The following GPR137C variants were observed in gnomAD, a reference collection of about 807,000 sequenced individuals.
GPR137C encodes the protein G protein-coupled receptor 137C.
A neutral mutation model predicts 43.4 loss-of-function variants in GPR137C; 27 were observed. That is an observed-to-expected ratio of 0.62 (90% CI 0.46 to 0.86). GPR137C has a LOEUF of 0.86. Ranked by LOEUF, GPR137C falls within the 40% of genes least tolerant of loss-of-function variation. The pLI is 0.00. For missense variants in GPR137C, 522 were observed against 534.6 expected (o/e 0.98, Z 0.23); for synonymous variants, 285 against 226.9 (o/e 1.26, Z -2.30).
intron 3 of GPR137C, among the ~76,000 whole-genome samples, chr14:52,624,823 C>T (rs563038172): frequency 2.2e-4 from 34 of 151,490 alleles, no homozygotes; most frequent in African/African-American, 7.7e-4. Flanking sequence ...TTCTTGAATA[C>T]ATCAGTCAAT....
chr14:52,568,912 A>G (rs1328339477), intron 1 of GPR137C, among the ~76,000 whole-genome samples: 2 of 152,234 alleles, frequency 1.3e-5, no homozygotes, highest in Admixed American at 6.5e-5. Context: ...TTAAGAGAGC[A>G]GCGGATCTCC....
intron 3 of GPR137C, among the ~76,000 whole-genome samples, chr14:52,619,363 G>T (rs1171956274): frequency 6.6e-6 from 1 of 152,078 alleles, no homozygotes; most frequent in Non-Finnish European, 1.5e-5. Context: ...ATTATCCCCT[G>T]TAATATAGAT....
At chr14:52,604,293 G>T (rs914987489) in intron 3 of GPR137C, among the ~76,000 whole-genome samples, 8 of 152,012 alleles carry the variant, frequency 5.3e-5, no homozygotes, top group African/African-American at 1.7e-4. Flanking sequence ...TTATTACTTT[G>T]GTTGCCTATG....
intron 1 of GPR137C, among the ~76,000 whole-genome samples, chr14:52,571,750 C>T (rs2038473269): frequency 6.6e-6 from 1 of 152,002 alleles, no homozygotes; most frequent in Non-Finnish European, 1.5e-5. Flanking sequence ...TAACTAAGAT[C>T]AGAGCAGAAC....
Position 52,553,451 on chromosome 14 carries a change from G to T in GPR137C, c.304G>T (p.Ala102Ser). The T allele has an allele frequency of 1.2e-6, 2 of 1,608,846 alleles. No individual in the cohort carries two copies. Among genetic ancestry groups the T allele is most frequent in the Non-Finnish European group, 1.7e-6 (2 of 1,179,772 alleles). The change falls in exon 1 of 7, where the codon GCC becomes TCC. Residue 102 changes from alanine (A) to serine (S), a missense_variant. Coordinates refer to ENST00000321662, the MANE Select transcript of GPR137C (RefSeq NM_001099652.2). ...WAALRTTLFS[A>S]AFSLSGSLPL... Reference sequence around the variant, plus strand: ...AGCGCTCAGGACCACCCTCTTCTCCGCCGCCTTCTCGCTCAGCGGCTCCCT... The same window carrying T: ...AGCGCTCAGGACCACCCTCTTCTCCTCCGCCTTCTCGCTCAGCGGCTCCCT...
In GPR137C at chr14:52,627,612, C is replaced by T. The variant is rs140462406; in HGVS notation, c.718-4548C>T. ...CTGTAATCCCAGCACTTTGGGAGGC[C>T]GAGGTGGGTGGATCACAAGGTCAGG... On this transcript the variant is annotated intron_variant, in intron 3 of 6. Coordinates refer to ENST00000321662, the MANE Select transcript of GPR137C (RefSeq NM_001099652.2). 3.8e-3 allele frequency among the ~76,000 whole-genome samples: 571 copies of T among 152,126 alleles called. 3 individuals carry two copies. Among genetic ancestry groups the T allele is most frequent in the African/African-American group, 0.013 (528 of 41,494 alleles).
intron 1 of GPR137C, among the ~76,000 whole-genome samples, chr14:52,574,003 T>A (rs930152993): frequency 2.0e-4 from 31 of 152,032 alleles, no homozygotes; most frequent in Middle Eastern, 3.2e-3. Context: ...GAAATGCAAA[T>A]CAAAACCACA....
chr14:52,553,560 C>A lies in GPR137C; in HGVS notation c.413C>A (p.Thr138Lys). 6.2e-7 allele frequency: 1 copy of A among 1,604,988 alleles called. No individual in the cohort carries two copies. Among genetic ancestry groups the A allele is most frequent in the Non-Finnish European group, 8.5e-7 (1 of 1,177,406 alleles). The change falls in exon 1 of 7, where the codon ACG becomes AAG. Residue 138 changes from threonine (T) to lysine (K), a missense_variant. By Grantham distance (78) the Thr-to-Lys change is moderately conservative. Coordinates refer to ENST00000321662, the MANE Select transcript of GPR137C (RefSeq NM_001099652.2). The part of the protein sequence containing the change: ...YCFPSCLQFS[T>K]LCLLNLYLAE... ...TTCCCCTCCTGTCTCCAGTTCTCCACGCTCTGTCTCCTCAACCTCTACCTG... is the reference window on the plus strand; with the variant it reads ...TTCCCCTCCTGTCTCCAGTTCTCCAAGCTCTGTCTCCTCAACCTCTACCTG...
chr14:52,635,024 G>A lies in GPR137C; in HGVS notation c.1199G>A (p.Gly400Glu). Residue 400 changes from glycine (G) to glutamate (E), a missense_variant, in exon 7 of 7, where the codon GGA becomes GAA. By Grantham distance (98) the Gly-to-Glu change is moderately conservative. Coordinates refer to ENST00000321662, the MANE Select transcript of GPR137C (RefSeq NM_001099652.2). Reference sequence around the variant, plus strand: ...TACACAGTCACTCCCCACCTGAATGGACCTATGACAGATACTGCTCCTTTG... The same window carrying A: ...TACACAGTCACTCCCCACCTGAATGAACCTATGACAGATACTGCTCCTTTG... ...SSYTVTPHLN[G>E]PMTDTAPLLF... The A allele has an allele frequency of 6.2e-7, 1 of 1,612,772 alleles. No homozygotes were observed. The highest frequency in any genetic ancestry group is 8.5e-7 in the Non-Finnish European group (1 of 1,179,320).
At chr14:52,565,177 A>G (rs570591161) in intron 1 of GPR137C, among the ~76,000 whole-genome samples, 18 of 152,382 alleles carry the variant, frequency 1.2e-4, no homozygotes, top group African/African-American at 3.8e-4. Flanking sequence ...TACTTTTTAA[A>G]TAATGACGGG....
chr14:52,625,744 C>T (rs912164213), intron 3 of GPR137C, among the ~76,000 whole-genome samples: 2 of 151,330 alleles, frequency 1.3e-5, no homozygotes, highest in African/African-American at 2.4e-5. Context: ...TTAGTAGAGA[C>T]GGGTTTTCAC....
intron 3 of GPR137C, among the ~76,000 whole-genome samples, chr14:52,630,117 A>G (rs1302310096): frequency 1.3e-5 from 2 of 152,166 alleles, no homozygotes; most frequent in Non-Finnish European, 2.9e-5. Flanking sequence ...TTTGTTTTCC[A>G]AATCAATGGG....
rs542629963 is a variant in GPR137C at position 52,578,490 on chromosome 14, C to G, written c.445-19782C>G. ...TATTCTCTGAATTTTTTATTAACAT[C>G]ATGTTTTTGTTCATGAGCTCCATAT... is the stretch of plus-strand genomic sequence containing the variant. On this transcript the variant is annotated intron_variant, in intron 1 of 6. Coordinates refer to ENST00000321662, the MANE Select transcript of GPR137C (RefSeq NM_001099652.2). 8.5e-5 allele frequency among the ~76,000 whole-genome samples: 13 copies of G among 152,220 alleles called. No individual in the cohort carries two copies. The East Asian group carries it at 2.5e-3, about 29-fold the overall frequency.
At chr14:52,562,494 G>GT (rs767149552) in intron 1 of GPR137C, among the ~76,000 whole-genome samples, 9 of 152,128 alleles carry the variant, frequency 5.9e-5, no homozygotes, top group Non-Finnish European at 1.0e-4. Flanking sequence ...ATGGTGGCAC[G>GT]TGTCTGTAGT....
At chr14:52,626,294 A>G (rs2039226808) in intron 3 of GPR137C, among the ~76,000 whole-genome samples, 1 of 152,184 alleles carries the variant, frequency 6.6e-6, no homozygotes, top group Admixed American at 6.5e-5. Context: ...AAATCTAATC[A>G]ACATATAAAA....
chr14:52,568,168 G>T (rs929316905), intron 1 of GPR137C, among the ~76,000 whole-genome samples: 1 of 152,118 alleles, frequency 6.6e-6, no homozygotes, highest in East Asian at 1.9e-4. Flanking sequence ...CAGAAGCAGG[G>T]TGGGGCGTCA....
At chr14:52,614,845 T>C (rs941169342) in intron 3 of GPR137C, among the ~76,000 whole-genome samples, 12 of 152,230 alleles carry the variant, frequency 7.9e-5, no homozygotes, top group Non-Finnish European at 1.8e-4. Flanking sequence ...GTTCCTCATA[T>C]ATTCTGGTTA....
At chr14:52,633,486 A>G in intron 4 of GPR137C, 44 bp from the exon 5 acceptor site, 1 of 1,583,068 alleles carries the variant, frequency 6.3e-7, no homozygotes, top group Non-Finnish European at 8.7e-7. Context: ...GATTGCTTAT[A>G]CAATAAACAG....
At chr14:52,613,604 A>G (rs1340803320) in intron 3 of GPR137C, 2 of 191,562 alleles carry the variant, frequency 1.0e-5, no homozygotes, top group South Asian at 7.5e-5. Context: ...AGAACATGCG[A>G]TGTTTGTCTT....
Sources: gnomAD v4.1 joint callset for allele counts (sites outside exome capture counted in the v4.1 genomes callset) on GRCh38, gnomAD v4.1.1 for gene constraint, MANE v1.5 for transcripts, NCBI Gene and HGNC (gene_info 2026-07-23, HGNC 2026-07-21) for gene names.